Variants in PTCRA observed in about 807,000 individuals in gnomAD.
The protein encoded by PTCRA is pre T cell antigen receptor alpha.
PTCRA carries 9 observed loss-of-function variants against 13.4 expected under a neutral mutation model. The ratio of observed to expected loss-of-function variants is 0.67; its 90% CI spans 0.41 to 1.18. The LOEUF (loss-of-function observed/expected upper bound fraction) is 1.18. PTCRA is among the 50% of genes most tolerant of loss of function. The pLI, the probability that PTCRA is intolerant of heterozygous loss-of-function variation, is 0.01. For synonymous variants in PTCRA, 153 were observed against 161.9 expected, an observed-to-expected ratio of 0.94 and a Z score of 0.42; for missense variants, 353 against 359.8, an observed-to-expected ratio of 0.98 and a Z score of 0.15.
At chr6:42,921,829 T>G (rs181814037) in intron 1 of PTCRA, among the ~76,000 whole-genome samples, 421 of 141,404 alleles carry the variant, frequency 3.0e-3, no homozygotes, top group African/African-American at 0.01. Flanking sequence ...AGGTCAGGAG[T>G]CAGAGACCAG....
Position 42,925,717 on chromosome 6 carries a change from T to C in PTCRA, c.*35T>C. 7.0e-7 allele frequency: 1 copy of C among 1,424,504 alleles called. No individual in the cohort carries two copies. Among genetic ancestry groups the C allele is most frequent in the Non-Finnish European group, 9.4e-7 (1 of 1,062,234 alleles). 88.2% of individuals were successfully genotyped at this position (1,424,504 alleles called of 1,614,324 possible). On this transcript the variant is annotated 3_prime_UTR_variant, in exon 4 of 4. Transcript: ENST00000304672. This position sits in a 1 kb window ranked among gnomAD's most constrained non-coding sequence, Gnocchi z 4.4. ...TCTACCTCCCCTGCGTCACACTGTG[T>C]GAGGCTGTGTCTCTGCCATCCAAAA...
Position 42,925,609 on chromosome 6 carries a change from G to C in PTCRA, c.773G>C (p.Arg258Thr). 1 of 1,589,494 alleles carries C rather than the reference G, an allele frequency of 6.3e-7. No individual in the cohort carries two copies. The highest frequency in any genetic ancestry group is 1.1e-5 in the South Asian group (1 of 87,084). ...AQAWCSRSAL[R>T]APSSSLGAFF... ...GCCTGGTGCTCAAGATCTGCCCTCAGGGCTCCTTCCTCCAGTCTTGGAGCA... is the reference window on the plus strand; with the variant it reads ...GCCTGGTGCTCAAGATCTGCCCTCACGGCTCCTTCCTCCAGTCTTGGAGCA... The change falls in exon 4 of 4, where the codon AGG (arginine) becomes ACG (threonine). Residue 258 changes from arginine to threonine, a missense_variant. Transcript: ENST00000304672. The surrounding 1 kb of genome is among the most constrained non-coding windows in gnomAD (Gnocchi z 4.4).
chr6:42,922,650 G>A (rs1478426703), intron 1 of PTCRA, among the ~76,000 whole-genome samples: 2 of 151,700 alleles, frequency 1.3e-5, no homozygotes, highest in African/African-American at 4.8e-5. Context: ...TGAGGCAGGA[G>A]AATGGCATGA....
chr6:42,917,531 A>ATTT (rs1166432649), intron 1 of PTCRA, among the ~76,000 whole-genome samples: 1 of 114,054 alleles, frequency 8.8e-6, no homozygotes, highest in Admixed American at 8.2e-5. Context: ...CCGTTATATT[A>ATTT]TTATTATTAT....
chr6:42,918,532 GC>G (rs1266954544), intron 1 of PTCRA, among the ~76,000 whole-genome samples: 1 of 151,930 alleles, frequency 6.6e-6, no homozygotes, highest in Non-Finnish European at 1.5e-5. Flanking sequence ...TCCAGCCTGG[GC>G]AACAGAGTGA....
rs544766356 is a variant in PTCRA, at chr6:42,925,256, C to T, written c.425-5C>T. The T allele has an allele frequency of 2.8e-5, 45 of 1,584,942 alleles. No individual in the cohort carries two copies. Among genetic ancestry groups the T allele is most frequent in the Non-Finnish European group, 3.4e-5 (40 of 1,173,176 alleles). On this transcript the variant is annotated splice_region_variant and splice_polypyrimidine_tract_variant and intron_variant, in intron 3 of 3. Transcript: ENST00000304672. The surrounding 1 kb of genome is among the most constrained non-coding windows in gnomAD (Gnocchi z 4.4). ...TGCGGGCTCCTGAGCGGTTCCTCCT[C>T]GCAGGGACACCGGGTGGGGCGCTGT... is the stretch of plus-strand genomic sequence containing the variant.
At chr6:42,922,226 T>G (rs1365600273) in intron 1 of PTCRA, 9 of 702,880 alleles carry the variant, frequency 1.3e-5, no homozygotes, top group Non-Finnish European at 2.3e-5. Context: ...AGGTCCTGTT[T>G]CCTTCCCTTC....
chr6:42,921,517 A>G (rs1767161471), intron 1 of PTCRA, among the ~76,000 whole-genome samples: 1 of 144,530 alleles, frequency 6.9e-6, no homozygotes, highest in South Asian at 2.2e-4. Context: ...TCCCTGGTTC[A>G]AGTGATTCTC....
At position 42,921,085 on chromosome 6, in the gene PTCRA, C is replaced by T. The variant is rs150380519; in HGVS notation, c.59-1942C>T. The stretch of plus-strand genomic sequence containing the variant: ...GTGCTGGGATTACAAGCATGAACCA[C>T]CACACCCAGCCTTTTTTGTTGTTGT... On this transcript the variant is annotated intron_variant, in intron 1 of 3. Transcript: ENST00000304672. Among the ~76,000 whole-genome samples the T allele has an allele frequency of 4.2e-3, 632 of 151,390 alleles. 1 individual carries two copies. The highest frequency in any genetic ancestry group is 5.9e-3 in the Non-Finnish European group (397 of 67,816).
chr6:42,925,383 G>T lies in PTCRA; in HGVS notation c.547G>T (p.Ala183Ser). The part of the protein sequence containing the change: ...CDPAGPLPSP[A>S]TTTRLRALGS... ...CCCCGCGGGCCCGCTGCCTTCCCCC[G>T]CAACCACCACCCGCCTGCGAGCCCT... Residue 183 changes from alanine to serine, a missense_variant, in exon 4 of 4, where the codon GCA becomes TCA. Physicochemically the swap from Ala to Ser is moderately conservative, Grantham distance 99 (BLOSUM62 1). Transcript: ENST00000304672. This position sits in a 1 kb window ranked among gnomAD's most constrained non-coding sequence, Gnocchi z 4.4. 1 of 1,554,408 alleles carries T rather than the reference G, an allele frequency of 6.4e-7. No homozygotes were observed.
chr6:42,924,285 G>C lies in PTCRA; in HGVS notation c.424+12G>C. 1 of 1,611,740 alleles carries C rather than the reference G, an allele frequency of 6.2e-7. No individual in the cohort carries two copies. The highest frequency in any genetic ancestry group is 8.5e-7 in the Non-Finnish European group (1 of 1,178,888). On this transcript the variant is annotated intron_variant, in intron 3 of 3. Coordinates refer to ENST00000304672, the MANE Select transcript of PTCRA (RefSeq NM_138296.3). ...GGAGCCTCTCAGGGGTGAGTACTCC[G>C]GGCAAGGGGTGGGGAATAAGAGGCT...
Position 42,923,247 on chromosome 6 carries a change from C to T in PTCRA, c.279C>T (p.Ser93=), listed in dbSNP as rs1169196486. ...DGTWTNLAHL[S]LPSEELASWE... ...CCTGGACCAACTTGGCCCATCTCTC[C>T]CTGCCTTCTGAGGAGCTGGCATCCT... Residue 93 remains serine (S), a synonymous_variant, in exon 2 of 4, where the codon TCC becomes TCT. Coordinates refer to ENST00000304672, the MANE Select transcript of PTCRA (RefSeq NM_138296.3). The T allele has an allele frequency of 6.2e-7, 1 of 1,614,240 alleles. No homozygotes were observed. The highest frequency in any genetic ancestry group is 2.2e-5 in the East Asian group (1 of 44,890).
intron 1 of PTCRA, among the ~76,000 whole-genome samples, chr6:42,918,735 C>G (rs866791287): frequency 1.2e-4 from 18 of 151,282 alleles, no homozygotes; most frequent in Admixed American, 7.9e-4. Context: ...TCACAGAGAT[C>G]TGAGAGTTCA....
Position 42,925,536 on chromosome 6 carries a change from TG to T in PTCRA, c.706del (p.Glu236LysfsTer59). 2 of 1,589,300 alleles carry T rather than the reference TG, an allele frequency of 1.3e-6. No individual in the cohort carries two copies. The highest frequency in any genetic ancestry group is 1.7e-6 in the Non-Finnish European group (2 of 1,166,838). On this transcript the variant is annotated frameshift_variant, in exon 4 of 4. Transcript: ENST00000304672. LOFTEE classifies it low-confidence loss of function (END_TRUNC). This position sits in a 1 kb window ranked among gnomAD's most constrained non-coding sequence, Gnocchi z 4.4. Reference protein sequence around the residue: ...PPGRKPGSPVWGEGSYLSSYP... With the variant: ...PPGRKPGSPVXGEGSYLSSYP... ...GGGTCGGAAGCCCGGGAGCCCAGTA[TG>T]GGGGGAAGGGTCTTACCTCAGCAGT...
intron 1 of PTCRA, among the ~76,000 whole-genome samples, 160 bp downstream of exon 1, chr6:42,916,287 G>T (rs1412711370): frequency 6.6e-6 from 1 of 152,020 alleles, no homozygotes; most frequent in Non-Finnish European, 1.5e-5. Flanking sequence ...GACCTCTGGG[G>T]AGGGGACCCT....
chr6:42,923,228 C>T lies in PTCRA; in HGVS notation c.260C>T (p.Thr87Ile), dbSNP rs1183393925. 1 of 1,614,246 alleles carries T rather than the reference C, an allele frequency of 6.2e-7. No individual in the cohort carries two copies. The highest frequency in any genetic ancestry group is 2.2e-5 in the East Asian group (1 of 44,892). Residue 87 changes from threonine (T) to isoleucine (I), a missense_variant, in exon 2 of 4, where the codon ACC becomes ATC. Thr to Ile is a moderately conservative substitution (Grantham distance 89). Coordinates refer to ENST00000304672, the MANE Select transcript of PTCRA (RefSeq NM_138296.3). ...TCCCCAGCAACGGATGGCACCTGGA[C>T]CAACTTGGCCCATCTCTCCCTGCCT... Reference protein sequence around the residue: ...GPSPATDGTWTNLAHLSLPSE... With the variant: ...GPSPATDGTWINLAHLSLPSE...
chr6:42,918,349 T>C (rs1766974114), intron 1 of PTCRA, among the ~76,000 whole-genome samples: 1 of 149,216 alleles, frequency 6.7e-6, no homozygotes, highest in African/African-American at 2.5e-5. Flanking sequence ...AGGTCAGGAG[T>C]TCAAGACCAG....
At chr6:42,917,885 C>G (rs1766954001) in intron 1 of PTCRA, among the ~76,000 whole-genome samples, 1 of 151,624 alleles carries the variant, frequency 6.6e-6, no homozygotes, top group African/African-American at 2.4e-5. Context: ...TTGGGACTCA[C>G]AAAAAATATT....
intron 1 of PTCRA, among the ~76,000 whole-genome samples, chr6:42,922,521 G>A (rs1018897156): frequency 2.8e-4 from 43 of 152,168 alleles, no homozygotes; most frequent in African/African-American, 9.2e-4. Context: ...GGACGAGGCG[G>A]GTGGATCACG....
Sources: allele counts gnomAD v4.1 joint callset (sites outside exome capture counted in the v4.1 genomes callset), GRCh38; gene constraint gnomAD v4.1.1; non-coding constraint Gnocchi (gnomAD v3.1); transcripts MANE v1.5; gene names NCBI Gene and HGNC (gene_info 2026-07-23, HGNC 2026-07-21).